Variants in ZMYM3 observed in about 807,000 individuals in gnomAD.
The protein encoded by ZMYM3 is zinc finger MYM-type protein 3.
ZMYM3 carries 6 observed loss-of-function variants against 94.2 expected under a neutral mutation model. The ratio of observed to expected loss-of-function variants is 0.06; its 90% confidence interval spans 0.03 to 0.13. ZMYM3 has a LOEUF of 0.13. Ranked by LOEUF, ZMYM3 falls within the 10% of genes least tolerant of loss-of-function variation. ZMYM3 has a pLI of 1.00. For synonymous variants in ZMYM3, 420 were observed against 426.5 expected (o/e 0.98, Z 0.19); for missense variants, 664 against 1,132.6 (o/e 0.59, Z 5.94).
Position 71,247,417 on chromosome X carries a change from G to T in ZMYM3, c.2242C>A (p.Leu748Ile). The change falls in exon 13 of 25, where the codon CTT becomes ATT. Residue 748 changes from leucine to isoleucine, a missense_variant. Physicochemically the swap from Leu to Ile is conservative, Grantham distance 5. Transcript: ENST00000314425. ...QIRHFCNQQC[L>I]LRFYSQQNQP... Reference sequence around the variant, plus strand: ...TTCTGCTGGCTATAGAAACGCAGAAGACACTGCTGGTTGCAGAAATGACGG... The same window carrying T: ...TTCTGCTGGCTATAGAAACGCAGAATACACTGCTGGTTGCAGAAATGACGG... The T allele has an allele frequency of 8.3e-7, 1 of 1,208,946 alleles. No homozygotes were observed. The highest frequency in any genetic ancestry group is 1.1e-6 in the Non-Finnish European group (1 of 893,910).
rs748297035 is a variant in ZMYM3, at chrX:71,249,094, G to A, written c.1546C>T (p.Arg516Cys). 3.3e-6 allele frequency: 4 copies of A among 1,211,660 alleles called. No homozygotes were observed. In the Admixed American group the frequency reaches 6.5e-5, roughly 20 times the overall value. The change falls in exon 8 of 25, where the codon CGT becomes TGT. Residue 516 changes from arginine to cysteine, a missense_variant. By Grantham distance (180) the Arg-to-Cys change is radical. This residue lies in a region of ZMYM3 where 159 missense variants were observed against 313.0 expected (regional missense o/e 0.51). Transcript: ENST00000314425. ...CAGAACAAGCTGGTCTTGCCATTACGATCCACATGTGATAGCATCTCAAAG... is the reference window on the plus strand; with the variant it reads ...CAGAACAAGCTGGTCTTGCCATTACAATCCACATGTGATAGCATCTCAAAG... Reference protein sequence around the residue: ...KNFEMLSHVDRNGKTSLFCSL... With the variant: ...KNFEMLSHVDCNGKTSLFCSL...
chrX:71,246,395 C>G lies in ZMYM3; in HGVS notation c.2530G>C (p.Val844Leu), dbSNP rs201512680. Residue 844 changes from valine (V) to leucine (L), a missense_variant, in exon 15 of 25, where the codon GTC becomes CTC. Val to Leu is a conservative substitution (Grantham distance 32). This residue lies in a region of ZMYM3 where 57 missense variants were observed against 52.0 expected (regional missense o/e 1.10). Transcript: ENST00000314425. ...MCKPLMQNRG[V>L]SCKVEMKSKG... ...GACTTCATCTCCACCTTGCAGGAGA[C>G]GCCCCGATTCTGCATCAGTGGCTTA... 1 of 1,207,645 alleles carries G rather than the reference C, an allele frequency of 8.3e-7. No individual in the cohort carries two copies. The highest frequency in any genetic ancestry group is 1.1e-6 in the Non-Finnish European group (1 of 894,488).
chrX:71,251,588 A>T lies in ZMYM3; in HGVS notation c.681T>A (p.Thr227=). 8.4e-7 allele frequency: 1 copy of T among 1,192,463 alleles called. No individual in the cohort carries two copies. Among genetic ancestry groups the T allele is most frequent in the Non-Finnish European group, 1.1e-6 (1 of 885,876 alleles). The change falls in exon 3 of 25, where the codon ACT becomes ACA. Residue 227 remains threonine (T), a synonymous_variant. Transcript: ENST00000314425. ...AHPSLPGDGL[T]AKASEKPPER... is the part of the protein sequence containing the mutation. Reference sequence around the variant, plus strand: ...CAGGCGGCTTCTCACTCGCCTTCGCAGTCAGGCCATCTCCTGCAAAGGAAG... The same window carrying T: ...CAGGCGGCTTCTCACTCGCCTTCGCTGTCAGGCCATCTCCTGCAAAGGAAG...
At chrX:71,249,734 C>A (rs1229050787) in intron 6 of ZMYM3, 55 bp from the exon 7 acceptor site, 24 of 1,172,312 alleles carry the variant, frequency 2.0e-5, no homozygotes, top group Non-Finnish European at 2.5e-5. Context: ...CCGCCCACCC[C>A]AATGCAAGGT....
intron 1 of ZMYM3, among the ~76,000 whole-genome samples, chrX:71,253,531 A>AC (rs1387557457): frequency 1.6e-3 from 34 of 20,612 alleles, no homozygotes; most frequent in Non-Finnish European, 2.9e-3. Context: ...CTACCCGCCC[A>AC]CCCCCCTACT....
In ZMYM3 at chrX:71,247,499, G is replaced by A. The variant is rs1455851229; in HGVS notation, c.2160C>T (p.Cys720=). ...GCTTCCCCTGGCGCTTACACGCATG[G>A]CACCGGGCAGCCTGAGGATGTCAAA... The part of the protein sequence containing the change: ...YLLWYCKAAR[C]HACKRQGKLL... Residue 720 remains cysteine (C), a synonymous_variant, in exon 13 of 25, where the codon TGC becomes TGT. Transcript: ENST00000314425. The A allele has an allele frequency of 1.7e-6, 2 of 1,209,607 alleles. No homozygotes were observed. The highest frequency in any genetic ancestry group is 2.2e-6 in the Non-Finnish European group (2 of 893,966).
At position 71,239,841 on chromosome X, in the gene ZMYM3, G is replaced by A. The variant is rs2147956992; in HGVS notation, c.*1075C>T. 1 of 112,748 alleles carries A rather than the reference G, an allele frequency of 8.9e-6. No individual in the cohort carries two copies. The highest frequency in any genetic ancestry group is 1.9e-5 in the Non-Finnish European group (1 of 53,288). 9.3% of individuals were successfully genotyped at this position (112,748 alleles called of 1,213,427 possible). On this transcript the variant is annotated 3_prime_UTR_variant, in exon 25 of 25. Transcript: ENST00000314425. ...AACAGCAAAGTCAACAGGGAAAGAA[G>A]TGGGTACCCCCTTTGCCAGAAGCTA...
At chrX:71,243,419 G>A (rs866270264) in intron 21 of ZMYM3, among the ~76,000 whole-genome samples, 8 of 111,134 alleles carry the variant, frequency 7.2e-5, no homozygotes, top group Non-Finnish European at 1.5e-4. Flanking sequence ...TCCTAGAATG[G>A]GCTTAAAGAT....
chrX:71,245,074 C>A (rs1215627259), intron 18 of ZMYM3, among the ~76,000 whole-genome samples, 181 bp from the exon 19 acceptor site: 3 of 98,289 alleles, frequency 3.1e-5, no homozygotes, highest in African/African-American at 1.2e-4. Flanking sequence ...AACTACTGAA[C>A]CGTAAACATG....
In ZMYM3 at chrX:71,253,007, C is replaced by T. The variant is rs777183442; in HGVS notation, c.249G>A (p.Gly83=). 7.5e-6 allele frequency: 9 copies of T among 1,205,610 alleles called. No homozygotes were observed. In the South Asian group the frequency reaches 1.2e-4, roughly 17 times the overall value. ...LDGATELLGL[G]GLLYKAPSPP... ...GAGAGGGGGCTTTATAGAGCAGCCCCCCCAGCCCCAGCAACTCAGTGGCTC... is the reference window on the plus strand; with the variant it reads ...GAGAGGGGGCTTTATAGAGCAGCCCTCCCAGCCCCAGCAACTCAGTGGCTC... Residue 83 remains glycine, a synonymous_variant, in exon 2 of 25, where the codon GGG becomes GGA. Coordinates refer to ENST00000314425, the MANE Select transcript of ZMYM3 (RefSeq NM_201599.3).
At chrX:71,244,687 G>C in intron 19 of ZMYM3, 103 bp downstream of exon 19, 1 of 820,122 alleles carries the variant, frequency 1.2e-6, no homozygotes. Flanking sequence ...GTTGGAGAAA[G>C]GAGGTTAGGG....
chrX:71,245,395 T>C lies in ZMYM3; in HGVS notation c.2951A>G (p.Lys984Arg). The C allele has an allele frequency of 8.3e-7, 1 of 1,211,706 alleles. No individual in the cohort carries two copies. The highest frequency in any genetic ancestry group is 1.1e-6 in the Non-Finnish European group (1 of 895,470). ...AGGCTCATCCAAGACATTGGCCATC[T>C]TGACTGCCATGGCCAGGACATCATC... ...ARDDVLAMAV[K>R]MANVLDEPGQ... Residue 984 changes from lysine to arginine, a missense_variant, in exon 18 of 25, where the codon AAG becomes AGG. Lys to Arg is a conservative substitution (Grantham distance 26). This residue lies in a region of ZMYM3 where 75 missense variants were observed against 152.5 expected (regional missense o/e 0.49). Transcript: ENST00000314425.
At chrX:71,241,512 AC>A (rs2147962231) in intron 23 of ZMYM3, among the ~76,000 whole-genome samples, 168 bp from the exon 24 acceptor site, 1 of 110,972 alleles carries the variant, frequency 9.0e-6, no homozygotes, top group Non-Finnish European at 1.9e-5. Context: ...CGCCAACCCA[AC>A]ATCCTGTCGG....
At position 71,251,314 on chromosome X, in the gene ZMYM3, G is replaced by T. The variant is rs761211586; in HGVS notation, c.712-70C>A. On this transcript the variant is annotated intron_variant, in intron 3 of 24. Transcript: ENST00000314425. ...CCAGGCTAACACTAGTACAGGGTTT[G>T]GGGGGGGATAGAAGATGGGAGGGGG... The T allele has an allele frequency of 6.3e-5, 64 of 1,008,594 alleles. No homozygotes were observed. In the East Asian group the frequency reaches 1.8e-3, roughly 28 times the overall value. The allele number at this position is 1,008,594 out of a possible 1,213,427, so 83.1% of individuals were successfully genotyped here. A position where few individuals can be genotyped will look rare whatever the true frequency, so the allele number is the denominator to read the frequency against.
chrX:71,255,090 CTCTCTCTCT>C (rs2030695327), upstream of ZMYM3: 2 of 18,819 alleles, frequency 1.1e-4, no homozygotes, highest in Non-Finnish European at 1.6e-4. Flanking sequence ...GCTGATCTCT[CTCTCTCTCT>C]CTCTCTCTCT....
In ZMYM3 at chrX:71,244,221, T is replaced by A. The variant is rs771393565; in HGVS notation, c.3280+81A>T. 5.8e-5 allele frequency: 66 copies of A among 1,134,269 alleles called. No individual in the cohort carries two copies. In the East Asian group the frequency reaches 1.2e-3, roughly 21 times the overall value. 93.5% of individuals were successfully genotyped at this position (1,134,269 alleles called of 1,213,427 possible). The stretch of plus-strand genomic sequence containing the variant: ...TCACTTCTAGACATCTTCAGCTGAA[T>A]CACAGGCCCAGCCCCTTCTCCCCTT... On this transcript the variant is annotated intron_variant, in intron 20 of 24. Coordinates refer to ENST00000314425, the MANE Select transcript of ZMYM3 (RefSeq NM_201599.3).
intron 2 of ZMYM3, among the ~76,000 whole-genome samples, chrX:71,252,281 T>C (rs988003844): frequency 9.0e-6 from 1 of 111,122 alleles, no homozygotes; most frequent in African/African-American, 3.3e-5. Flanking sequence ...AAGGAAGGAC[T>C]CTGGCACCAA....
rs749154600 is a variant in ZMYM3, at chrX:71,252,836, T to G, written c.420A>C (p.Leu140=). 4 of 1,209,652 alleles carry G rather than the reference T, an allele frequency of 3.3e-6. No individual in the cohort carries two copies. In the African/African-American group the frequency reaches 7.0e-5, roughly 21 times the overall value. The part of the protein sequence containing the change: ...AGANSCSPEG[L]LEPLAPDSPI... ...GAGAATCTGGAGCCAAAGGCTCTAG[T>G]AGCCCCTCAGGTGAACAGGAATTTG... Residue 140 remains leucine (L), a synonymous_variant, in exon 2 of 25, where the codon CTA becomes CTC. Transcript: ENST00000314425.
chrX:71,245,015 T>A, intron 18 of ZMYM3, 122 bp from the exon 19 acceptor site: 1 of 572,112 alleles, frequency 1.7e-6, no homozygotes, highest in Non-Finnish European at 2.7e-6. Flanking sequence ...AGTAAAGCTA[T>A]ACCAAAAAGC....
Sources: gnomAD v4.1 joint callset for allele counts (sites outside exome capture counted in the v4.1 genomes callset) on GRCh38, gnomAD v4.1.1 for gene constraint, gnomAD v4.1.1 regional missense constraint, MANE v1.5 for transcripts, NCBI Gene and HGNC (gene_info 2026-07-23, HGNC 2026-07-21) for gene names.